The following XPO7 variants were observed in gnomAD, a reference collection of about 807,000 sequenced individuals.
The protein encoded by XPO7 is exportin-7.
XPO7 carries 21 observed loss-of-function variants against 144.3 expected under a neutral mutation model. The observed-to-expected ratio is 0.15, with a 90% confidence interval of 0.10 to 0.21. The LOEUF is 0.21. Ranked by LOEUF, XPO7 falls within the 10% of genes least tolerant of loss-of-function variation. The probability of loss-of-function intolerance (pLI) is 1.00; values close to 1 mark genes in which losing one functional copy is unlikely to be tolerated. For synonymous variants in XPO7, 580 were observed against 499.6 expected (o/e 1.16, Z -2.15); for missense variants, 808 against 1,325.8 (o/e 0.61, Z 6.06).
In XPO7 at chr8:22,002,289, T is replaced by TTAGGAGGCAGG; in HGVS notation, c.2943+27_2943+28insGTAGGAGGCAG. On this transcript the variant is annotated intron_variant, in intron 25 of 27. Transcript: ENST00000252512. ...ATCCAGCAGGTAAGAAAGTGGAGGC[T>TTAGGAGGCAGG]TAGGAGGCAGTGATGGGGTGTCCGA... The TTAGGAGGCAGG allele has an allele frequency of 6.2e-7, 1 of 1,609,598 alleles. No homozygotes were observed. Among genetic ancestry groups the TTAGGAGGCAGG allele is most frequent in the Non-Finnish European group, 8.5e-7 (1 of 1,178,282 alleles).
chr8:21,980,335 T>G, intron 9 of XPO7, 132 bp downstream of exon 9: 15 of 1,144,906 alleles, frequency 1.3e-5, no homozygotes, highest in South Asian at 2.0e-5. Flanking sequence ...AGTGAATCTC[T>G]ATTTGTAGGC....
At chr8:21,977,025 G>T (rs910921548) in intron 7 of XPO7, among the ~76,000 whole-genome samples, 2 of 152,198 alleles carry the variant, frequency 1.3e-5, no homozygotes, top group African/African-American at 4.8e-5. Flanking sequence ...CAGTGTCAAA[G>T]AACTTTTAAA....
intron 1 of XPO7, among the ~76,000 whole-genome samples, chr8:21,961,852 G>GGGTC (rs1310419370): frequency 6.9e-6 from 1 of 145,760 alleles, no homozygotes; most frequent in African/African-American, 2.7e-5. Context: ...TAGTAGAGAC[G>GGGTC]GGGTTTCATC....
intron 21 of XPO7, among the ~76,000 whole-genome samples, chr8:21,996,768 T>A (rs544545872): frequency 1.3e-5 from 2 of 152,266 alleles, no homozygotes; most frequent in East Asian, 3.9e-4. Flanking sequence ...CCTGAGAGAA[T>A]TAGTAAGGTT....
chr8:21,978,526 C>T (rs566025941), intron 8 of XPO7, among the ~76,000 whole-genome samples: 1 of 152,154 alleles, frequency 6.6e-6, no homozygotes, highest in Non-Finnish European at 1.5e-5. Context: ...CCTTTGTGTT[C>T]GCTGAAACAT....
At chr8:21,959,462 G>A (rs912144597) in intron 1 of XPO7, among the ~76,000 whole-genome samples, 2 of 152,150 alleles carry the variant, frequency 1.3e-5, no homozygotes, top group African/African-American at 4.8e-5. Context: ...ACAGTAGACG[G>A]AGGAGTAGGG....
At chr8:21,989,177 C>A in intron 16 of XPO7, 94 bp downstream of exon 16, 3 of 1,182,250 alleles carry the variant, frequency 2.5e-6, no homozygotes, top group Non-Finnish European at 3.6e-6. Context: ...TTCAGTTTAG[C>A]TGTAGTGTGT....
intron 8 of XPO7, 93 bp from the exon 9 acceptor site, chr8:21,979,991 T>C: frequency 7.4e-7 from 1 of 1,353,790 alleles, no homozygotes; most frequent in South Asian, 1.8e-5. Flanking sequence ...TCAGATATCC[T>C]AAAGAAGGAT....
intron 25 of XPO7, 29 bp from the exon 26 acceptor site, chr8:22,003,190 C>T (rs760010057): frequency 6.4e-7 from 1 of 1,568,932 alleles, no homozygotes; most frequent in Non-Finnish European, 8.7e-7. Flanking sequence ...CATTAGGTCA[C>T]TGCCTGAAAT....
intron 1 of XPO7, among the ~76,000 whole-genome samples, chr8:21,938,446 C>A (rs759099754): frequency 7.9e-5 from 12 of 152,114 alleles, no homozygotes; most frequent in Admixed American, 1.3e-4. Context: ...ACTGTAAGTT[C>A]TTTTTTAGTT....
In XPO7 at chr8:21,998,997, C is replaced by T. The variant is rs913813829; in HGVS notation, c.2429-94C>T. Reference sequence around the variant, plus strand: ...TTAGAGTGCCACCTGTCACCAGGGGCCTACTGGAATTTGTATGCCTTTGGA... The same window carrying T: ...TTAGAGTGCCACCTGTCACCAGGGGTCTACTGGAATTTGTATGCCTTTGGA... On this transcript the variant is annotated intron_variant, in intron 22 of 27. Coordinates refer to ENST00000252512, the MANE Select transcript of XPO7 (RefSeq NM_015024.5). 2.7e-6 allele frequency: 4 copies of T among 1,501,946 alleles called. No individual in the cohort carries two copies. In the Admixed American group the frequency reaches 5.2e-5, roughly 20 times the overall value. The allele number at this position is 1,501,946 out of a possible 1,614,324, so 93.0% of individuals were successfully genotyped here. A position where few individuals can be genotyped will look rare whatever the true frequency, so the allele number is the denominator to read the frequency against.
intron 2 of XPO7, among the ~76,000 whole-genome samples, chr8:21,969,165 A>AT (rs1190593334): frequency 6.6e-6 from 1 of 151,972 alleles, no homozygotes; most frequent in Non-Finnish European, 1.5e-5. Context: ...GAGGGGAGAG[A>AT]TTTTTTCTAA....
intron 14 of XPO7, 47 bp downstream of exon 14, chr8:21,987,323 T>A (rs777946083): frequency 7.5e-6 from 12 of 1,610,330 alleles, no homozygotes; most frequent in Non-Finnish European, 9.3e-6. Flanking sequence ...TTCTCACTTG[T>A]GGGATTGCTG....
intron 1 of XPO7, among the ~76,000 whole-genome samples, chr8:21,926,340 TATG>T (rs1305082697): frequency 2.0e-5 from 3 of 152,114 alleles, no homozygotes; most frequent in Non-Finnish European, 2.9e-5. Flanking sequence ...GATAAGAAAT[TATG>T]ATATTTACAA....
chr8:21,961,690 G>A (rs554508871), intron 1 of XPO7, among the ~76,000 whole-genome samples: 16 of 151,546 alleles, frequency 1.1e-4, no homozygotes, highest in African/African-American at 3.1e-4. Context: ...TCACTCTGTC[G>A]CCCAGGCTGG....
chr8:21,933,096 A>ATTT (rs34592897), intron 1 of XPO7, among the ~76,000 whole-genome samples: 3 of 110,750 alleles, frequency 2.7e-5, no homozygotes, highest in East Asian at 2.5e-4. Context: ...CTTTTGCTGG[A>ATTT]TTTTTTTTTT....
intron 1 of XPO7, among the ~76,000 whole-genome samples, chr8:21,940,353 A>C (rs1416777635): frequency 1.3e-5 from 2 of 152,242 alleles, no homozygotes; most frequent in Non-Finnish European, 1.5e-5. Context: ...TTAATAACTG[A>C]AAAAGAAATG....
At chr8:21,936,479 A>G (rs1810826516) in intron 1 of XPO7, among the ~76,000 whole-genome samples, 1 of 152,246 alleles carries the variant, frequency 6.6e-6, no homozygotes, top group Non-Finnish European at 1.5e-5. Context: ...TACATACTCT[A>G]AAGATAGTCT....
intron 1 of XPO7, chr8:21,964,371 T>G (rs1289260135): frequency 6.6e-6 from 1 of 152,164 alleles, no homozygotes; most frequent in East Asian, 1.9e-4. Context: ...TTGTTATAGC[T>G]AATCAAATAA....
Sources: allele counts gnomAD v4.1 joint callset (sites outside exome capture counted in the v4.1 genomes callset), GRCh38; gene constraint gnomAD v4.1.1; transcripts MANE v1.5; gene names NCBI Gene and HGNC (gene_info 2026-07-23, HGNC 2026-07-21).